Variants in EYA1 observed in about 807,000 individuals in gnomAD.
The protein encoded by EYA1 is protein phosphatase EYA1.
A neutral mutation model predicts 82.0 loss-of-function variants in EYA1; 16 were observed. That is an observed-to-expected ratio of 0.20 (90% CI 0.13 to 0.30). The LOEUF is 0.30. EYA1 is among the 10% of genes least tolerant of loss of function. The probability of loss-of-function intolerance (pLI) is 1.00; values close to 1 mark genes in which losing one functional copy is unlikely to be tolerated. For synonymous variants in EYA1, 261 were observed against 264.4 expected (o/e 0.99, Z 0.12); for missense variants, 633 against 730.7 (o/e 0.87, Z 1.54).
chr8:71,277,545 C>CT (rs1817345431), intron 9 of EYA1, among the ~76,000 whole-genome samples: 1 of 152,182 alleles, frequency 6.6e-6, no homozygotes, highest in East Asian at 1.9e-4. Context: ...TGTGAATTCT[C>CT]TAACTTCTGG....
At chr8:71,408,781 T>G (rs998793901) in intron 2 of EYA1, among the ~76,000 whole-genome samples, 2 of 140,054 alleles carry the variant, frequency 1.4e-5, no homozygotes, top group Non-Finnish European at 3.1e-5. Context: ...ATGGGGGACT[T>G]TAACACCCCA....
At chr8:71,329,946 G>T (rs1563477576) in intron 4 of EYA1, among the ~76,000 whole-genome samples, 1 of 152,180 alleles carries the variant, frequency 6.6e-6, no homozygotes, top group Non-Finnish European at 1.5e-5. Flanking sequence ...AGTGGTCAGG[G>T]TGGGCCTCGA....
At chr8:71,534,106 G>A (rs771955585) in intron 2 of EYA1, among the ~76,000 whole-genome samples, 2 of 152,204 alleles carry the variant, frequency 1.3e-5, no homozygotes, top group African/African-American at 2.4e-5. Context: ...ATTATTGGCA[G>A]TATTTCTTTG....
At chr8:71,412,825 C>A (rs1314006359) in intron 2 of EYA1, among the ~76,000 whole-genome samples, 1 of 152,226 alleles carries the variant, frequency 6.6e-6, no homozygotes, top group Non-Finnish European at 1.5e-5. Flanking sequence ...CCTAGCACTG[C>A]TGCTTACTCC....
At chr8:71,404,536 ATG>A (rs974555140) in intron 2 of EYA1, 2 of 152,234 alleles carry the variant, frequency 1.3e-5, no homozygotes, top group African/African-American at 4.8e-5. Flanking sequence ...GCAGTTTAAA[ATG>A]TTTAAAAGCT....
intron 2 of EYA1, among the ~76,000 whole-genome samples, chr8:71,402,485 C>T (rs969103383): frequency 9.2e-5 from 14 of 152,148 alleles, no homozygotes; most frequent in African/African-American, 3.1e-4. Context: ...TAAAATGTTA[C>T]ATGCCCACAA....
intron 11 of EYA1, among the ~76,000 whole-genome samples, chr8:71,262,900 T>C (rs1236165136): frequency 6.6e-6 from 1 of 152,216 alleles, no homozygotes; most frequent in Admixed American, 6.5e-5. Context: ...TATAGACACA[T>C]ATATTATTTC....
At chr8:71,212,587 G>A (rs1808653849) in intron 16 of EYA1, among the ~76,000 whole-genome samples, 3 of 152,096 alleles carry the variant, frequency 2.0e-5, no homozygotes, top group African/African-American at 7.2e-5. Flanking sequence ...TCTCCTATTG[G>A]GCTCATTGCC....
At chr8:71,346,841 T>C (rs748324635) in intron 3 of EYA1, among the ~76,000 whole-genome samples, 3 of 152,222 alleles carry the variant, frequency 2.0e-5, no homozygotes, top group Non-Finnish European at 2.9e-5. Context: ...GTTAATGCAT[T>C]GTAAACTTAA....
chr8:71,387,914 A>T, intron 2 of EYA1, among the ~76,000 whole-genome samples: 1 of 152,112 alleles, frequency 6.6e-6, no homozygotes, highest in Non-Finnish European at 1.5e-5. Context: ...GAACACAAAA[A>T]CCCAAGCATT....
chr8:71,388,260 GT>G (rs1829075138), intron 2 of EYA1, among the ~76,000 whole-genome samples: 1 of 152,130 alleles, frequency 6.6e-6, no homozygotes, highest in Non-Finnish European at 1.5e-5. Flanking sequence ...TAAGTTAAGG[GT>G]TGAAAAGTGT....
chr8:71,463,575 TTCTC>T (rs776367934), intron 2 of EYA1, among the ~76,000 whole-genome samples: 506 of 41,120 alleles, frequency 0.012, 4 homozygotes, highest in Non-Finnish European at 0.017. Flanking sequence ...AATACATGCT[TTCTC>T]TCTCTCTCTC....
intron 1 of EYA1, among the ~76,000 whole-genome samples, chr8:71,542,982 A>AT (rs1458282634): frequency 6.6e-6 from 1 of 151,850 alleles, no homozygotes; most frequent in Admixed American, 6.6e-5. Context: ...GTTTGCAGAC[A>AT]TTTTTTTCCC....
chr8:71,325,796 T>C (rs141175406), intron 4 of EYA1, among the ~76,000 whole-genome samples: 101 of 152,318 alleles, frequency 6.6e-4, no homozygotes, highest in African/African-American at 2.3e-3. Flanking sequence ...TGGGCTTTCT[T>C]TAAATCCAAA....
At chr8:71,477,742 A>T (rs2129208164) in intron 2 of EYA1, among the ~76,000 whole-genome samples, 1 of 152,246 alleles carries the variant, frequency 6.6e-6, no homozygotes, top group African/African-American at 2.4e-5. Flanking sequence ...CAGCCAAGAG[A>T]AATGAAAACA....
At chr8:71,444,651 T>C (rs922425108) in intron 2 of EYA1, among the ~76,000 whole-genome samples, 6 of 152,180 alleles carry the variant, frequency 3.9e-5, no homozygotes, top group African/African-American at 1.4e-4. Flanking sequence ...TGAGCATCCG[T>C]ATGTACTTCT....
chr8:71,241,015 GT>G (rs999167337), intron 12 of EYA1, among the ~76,000 whole-genome samples: 6 of 152,146 alleles, frequency 3.9e-5, no homozygotes, highest in African/African-American at 1.4e-4. Flanking sequence ...CACATGGAGA[GT>G]TTTTTTGTAA....
rs75000726 is a variant in EYA1, at chr8:71,512,387, T to C, written c.33+23357A>G. ...GTTTTAAATAAAATCAAAGACTACA[T>C]GATTTCTTAAAAGAAAAAAAAAGCT... On this transcript the variant is annotated intron_variant, in intron 2 of 18. Coordinates refer to the EYA1 transcript ENST00000643681. Among the ~76,000 whole-genome samples, 72 of 150,896 alleles carry C rather than the reference T, an allele frequency of 4.8e-4. No homozygotes were observed. The East Asian group carries it at 0.013, about 27-fold the overall frequency.
chr8:71,278,399 G>A (rs1319794468), intron 9 of EYA1, among the ~76,000 whole-genome samples: 2 of 152,116 alleles, frequency 1.3e-5, no homozygotes, highest in Non-Finnish European at 2.9e-5. Context: ...AGTTTTCAAA[G>A]GACTGTATCA....
Sources: allele counts gnomAD v4.1 joint callset (sites outside exome capture counted in the v4.1 genomes callset), GRCh38; gene constraint gnomAD v4.1.1; transcripts MANE v1.5; gene names NCBI Gene and HGNC (gene_info 2026-07-23, HGNC 2026-07-21).